ZC3H13: variants seen among roughly 807,000 people sequenced by gnomAD.
The protein encoded by ZC3H13 is zinc finger CCCH-type containing 13, also known as zinc finger CCCH domain-containing protein 13.
In ZC3H13, 64 loss-of-function variants were observed where a neutral mutation model predicts 204.1. That is an observed-to-expected ratio of 0.31 (90% CI 0.26 to 0.39). The LOEUF (loss-of-function observed/expected upper bound fraction) is 0.39, where lower values mean the gene tolerates loss of function less well. Among genes scored for constraint, ZC3H13 ranks in the 10% least tolerant of loss-of-function variants. The pLI, the probability that ZC3H13 is intolerant of heterozygous loss-of-function variation, is 1.00. For synonymous variants in ZC3H13, 667 were observed against 693.7 expected (o/e 0.96, Z 0.60); for missense variants, 1,833 against 2,082.7 (o/e 0.88, Z 2.33).
At position 45,962,732 on chromosome 13, in the gene ZC3H13, A is replaced by C. The variant is rs537005140; in HGVS notation, c.4675+1110T>G. On this transcript the variant is annotated intron_variant, in intron 17 of 18. Coordinates refer to ENST00000679008, the MANE Select transcript of ZC3H13 (RefSeq NM_001330564.2). ...ATATTTTTTTATTTTGTATTAGTGA[A>C]AAATTTAATACTAACTAAACTTTTA... 7.7e-5 allele frequency: 76 copies of C among 984,800 alleles called. 1 individual carries two copies. The South Asian group carries it at 3.1e-3, about 40-fold the overall frequency. 61.0% of individuals were successfully genotyped at this position (984,800 alleles called of 1,614,324 possible).
chr13:46,040,308 A>G (rs911043181), intron 4 of ZC3H13, among the ~76,000 whole-genome samples: 1 of 152,204 alleles, frequency 6.6e-6, no homozygotes, highest in Non-Finnish European at 1.5e-5. Context: ...TTAAGTGATC[A>G]AGGAAGTTGT....
At chr13:45,981,400 T>C (rs1953592055) in intron 10 of ZC3H13, among the ~76,000 whole-genome samples, 1 of 152,110 alleles carries the variant, frequency 6.6e-6, no homozygotes, top group Non-Finnish European at 1.5e-5. Context: ...GACATTTGGG[T>C]TGGTTCCAAG....
At chr13:46,017,826 C>G (rs1429866027) in intron 5 of ZC3H13, among the ~76,000 whole-genome samples, 2 of 152,032 alleles carry the variant, frequency 1.3e-5, no homozygotes, top group Non-Finnish European at 2.9e-5. Flanking sequence ...GCACTTAACT[C>G]AATGCTTCAA....
intron 1 of ZC3H13, chr13:46,052,003 A>AAAAAAAC (rs1430090592): frequency 1.3e-5 from 2 of 151,632 alleles, no homozygotes; most frequent in Non-Finnish European, 2.9e-5. Context: ...AGGGAAAAAA[A>AAAAAAAC]AAAAAACAAG....
chr13:46,048,948 T>C (rs938638967), intron 1 of ZC3H13, among the ~76,000 whole-genome samples: 1 of 151,878 alleles, frequency 6.6e-6, no homozygotes, highest in Non-Finnish European at 1.5e-5. Context: ...GGCCAACAGA[T>C]CGAGACCATC....
chr13:45,985,056 T>A (rs1954053681), intron 10 of ZC3H13, among the ~76,000 whole-genome samples: 1 of 152,202 alleles, frequency 6.6e-6, no homozygotes, highest in South Asian at 2.1e-4. Flanking sequence ...TGTTCCACAT[T>A]AATCAAGATG....
intron 1 of ZC3H13, among the ~76,000 whole-genome samples, chr13:46,048,308 T>A (rs539692092): frequency 2.1e-4 from 32 of 152,264 alleles, no homozygotes; most frequent in African/African-American, 7.7e-4. Context: ...CCGGGCGCGG[T>A]GGCTCACGCC....
intron 4 of ZC3H13, among the ~76,000 whole-genome samples, chr13:46,025,348 C>T (rs894411781): frequency 1.3e-5 from 2 of 152,168 alleles, no homozygotes; most frequent in East Asian, 3.8e-4. Flanking sequence ...GTTCTATGAT[C>T]CAGGCTGAAG....
chr13:46,010,556 A>T, intron 6 of ZC3H13, 51 bp from the exon 7 acceptor site: 1 of 1,554,442 alleles, frequency 6.4e-7, no homozygotes, highest in South Asian at 1.1e-5. Context: ...CTTATGGTAC[A>T]ACAAGACTTA....
intron 8 of ZC3H13, among the ~76,000 whole-genome samples, chr13:46,000,005 C>G (rs2040624195): frequency 6.6e-6 from 1 of 152,168 alleles, no homozygotes; most frequent in Admixed American, 6.5e-5. Context: ...AGCAATAGGT[C>G]TCAATAGTGG....
At chr13:46,010,209 T>G in intron 7 of ZC3H13, 139 bp downstream of exon 7, 1 of 873,922 alleles carries the variant, frequency 1.1e-6, no homozygotes, top group East Asian at 3.0e-5. Context: ...AATTGAAACA[T>G]TTCAAATTTC....
At chr13:45,997,876 T>C (rs909746442) in intron 8 of ZC3H13, among the ~76,000 whole-genome samples, 6 of 152,008 alleles carry the variant, frequency 3.9e-5, no homozygotes, top group Non-Finnish European at 7.4e-5. Context: ...GAAACACTAT[T>C]TTACAAACAC....
intron 18 of ZC3H13, among the ~76,000 whole-genome samples, chr13:45,958,432 A>G (rs1189762893): frequency 1.3e-5 from 2 of 152,220 alleles, no homozygotes; most frequent in Non-Finnish European, 2.9e-5. Context: ...GCTTTGGACC[A>G]GAAATGTTTC....
chr13:46,046,675 A>AC (rs368720621), intron 1 of ZC3H13, among the ~76,000 whole-genome samples: 1 of 151,194 alleles, frequency 6.6e-6, no homozygotes, highest in Non-Finnish European at 1.5e-5. Context: ...CTCAAAAAAA[A>AC]CAAAAAAACT....
chr13:46,023,770 G>C (rs2042365545), intron 4 of ZC3H13, among the ~76,000 whole-genome samples: 1 of 152,110 alleles, frequency 6.6e-6, no homozygotes, highest in South Asian at 2.1e-4. Context: ...AATCATCAAA[G>C]ACCAAATATT....
chr13:45,959,687 T>C (rs1465177461), intron 17 of ZC3H13, 41 bp from the exon 18 acceptor site: 3 of 1,475,702 alleles, frequency 2.0e-6, no homozygotes, highest in Non-Finnish European at 2.7e-6. Context: ...TTTACTAAAA[T>C]AGAAAAGGGT....
At chr13:45,988,350 C>T (rs1012700583) in intron 9 of ZC3H13, among the ~76,000 whole-genome samples, 4 of 152,076 alleles carry the variant, frequency 2.6e-5, no homozygotes, top group Admixed American at 6.6e-5. Context: ...CTCCGCCTCC[C>T]GGGTTCAAGC....
intron 10 of ZC3H13, among the ~76,000 whole-genome samples, chr13:45,982,219 A>T (rs1953703943): frequency 6.6e-6 from 1 of 151,964 alleles, no homozygotes; most frequent in Non-Finnish European, 1.5e-5. Flanking sequence ...GTATTTTAAT[A>T]ATCAAAATAG....
intron 10 of ZC3H13, among the ~76,000 whole-genome samples, chr13:45,982,405 G>A (rs953759758): frequency 7.3e-5 from 11 of 151,724 alleles, no homozygotes; most frequent in African/African-American, 1.7e-4. Flanking sequence ...ACCTAGAGGC[G>A]AAACAGATAA....
Sources: gnomAD v4.1 joint callset for allele counts (sites outside exome capture counted in the v4.1 genomes callset) on GRCh38, gnomAD v4.1.1 for gene constraint, MANE v1.5 for transcripts, NCBI Gene and HGNC (gene_info 2026-07-23, HGNC 2026-07-21) for gene names.